Variants in HSDL2 observed in about 807,000 individuals in gnomAD.
The protein encoded by HSDL2 is hydroxysteroid dehydrogenase like 2, also known as hydroxysteroid dehydrogenase-like protein 2.
In HSDL2, 27 loss-of-function variants were observed where a neutral mutation model predicts 46.3. The ratio of observed to expected loss-of-function variants is 0.58; its 90% confidence interval spans 0.43 to 0.80. HSDL2 has a LOEUF of 0.80. Among genes scored for constraint, HSDL2 ranks in the 30% least tolerant of loss-of-function variants. The pLI, the probability that HSDL2 is intolerant of heterozygous loss-of-function variation, is 0.00. For synonymous variants in HSDL2, 153 were observed against 163.6 expected (o/e 0.94, Z 0.50); for missense variants, 451 against 502.7 (o/e 0.90, Z 0.98).
In HSDL2 at chr9:112,405,209, T is replaced by C. The variant is rs1232562647; in HGVS notation, c.182-415T>C. Among the ~76,000 whole-genome samples the C allele has an allele frequency of 2.0e-5, 3 of 152,056 alleles. No individual in the cohort carries two copies. The East Asian group carries it at 5.8e-4, about 29-fold the overall frequency. ...TCTACAAAAAATAGAAAAATTAGCC[T>C]GGCGTGGTGGTGCATGCCTATAGTC... On this transcript the variant is annotated intron_variant, in intron 2 of 10. Transcript: ENST00000398805.
Position 112,459,465 on chromosome 9 carries a change from G to A in HSDL2, c.1032G>A (p.Thr344=), listed in dbSNP as rs1167602720. The A allele has an allele frequency of 4.3e-6, 7 of 1,613,808 alleles. No individual in the cohort carries two copies. The highest frequency in any genetic ancestry group is 2.2e-5 in the South Asian group (2 of 91,082). The stretch of plus-strand genomic sequence containing the variant: ...TCTCTCTAGGTGAAGATGGTGGCAC[G>A]TGGTTTCTTGATCTGAAAAGCAAGG... ...LFELSGEDGG[T]WFLDLKSKGG... Residue 344 remains threonine, a synonymous_variant, in exon 10 of 11, where the codon ACG becomes ACA. Transcript: ENST00000398805.
At chr9:112,380,265 G>GC in intron 1 of HSDL2, 85 bp downstream of exon 1, 11 of 1,386,820 alleles carry the variant, frequency 7.9e-6, no homozygotes, top group Non-Finnish European at 1.1e-5. Context: ...GCCCGGGCTG[G>GC]CCGGCCCGGC....
chr9:112,458,844 G>T (rs899239328), intron 9 of HSDL2, among the ~76,000 whole-genome samples: 3 of 151,708 alleles, frequency 2.0e-5, no homozygotes, highest in Non-Finnish European at 2.9e-5. Context: ...AGCTGGGTGT[G>T]GTGGCGGGCA....
intron 6 of HSDL2, among the ~76,000 whole-genome samples, chr9:112,420,005 T>C (rs1205980189): frequency 6.6e-6 from 1 of 152,174 alleles, no homozygotes; most frequent in Non-Finnish European, 1.5e-5. Context: ...CATGTACTAG[T>C]GGGTAATGCC....
intron 1 of HSDL2, among the ~76,000 whole-genome samples, chr9:112,391,964 C>T (rs376812632): frequency 4.0e-5 from 6 of 151,748 alleles, no homozygotes; most frequent in Admixed American, 3.9e-4. Flanking sequence ...ATTGGGGGAA[C>T]CTGCCCCAAG....
intron 10 of HSDL2, among the ~76,000 whole-genome samples, chr9:112,468,026 A>G (rs1422803822): frequency 5.5e-5 from 5 of 91,500 alleles, no homozygotes; most frequent in Admixed American, 5.4e-4. Context: ...TGAAACTACT[A>G]TTATTCTACC....
intron 8 of HSDL2, among the ~76,000 whole-genome samples, chr9:112,443,721 C>A (rs147077953): frequency 3.2e-4 from 49 of 152,302 alleles, no homozygotes; most frequent in African/African-American, 1.1e-3. Flanking sequence ...CAGAGCAAGA[C>A]CCTGTCTCAA....
At chr9:112,438,817 GT>G (rs1832584273) in intron 7 of HSDL2, 192 bp downstream of exon 7, 1 of 426,384 alleles carries the variant, frequency 2.3e-6, no homozygotes, top group East Asian at 4.1e-5. Context: ...ATAGAGGTGA[GT>G]TGAGGGCTTT....
intron 10 of HSDL2, among the ~76,000 whole-genome samples, chr9:112,465,247 G>T (rs566731088): frequency 1.3e-5 from 2 of 152,258 alleles, no homozygotes; most frequent in South Asian, 4.1e-4. Flanking sequence ...TCTTGCCTCA[G>T]TCTCCTGGGT....
At position 112,452,834 on chromosome 9, in the gene HSDL2, G is replaced by T. The variant is rs115607663; in HGVS notation, c.866-1179G>T. Among the ~76,000 whole-genome samples the T allele has an allele frequency of 5.3e-3, 806 of 152,320 alleles. 12 individuals are homozygous for T. The highest frequency in any genetic ancestry group is 0.018 in the African/African-American group (763 of 41,564). ...CTATGAACTGCTGTCTTCTCCCCTGGCTGATCATATGTTAAGTTGTTATAG... is the reference window on the plus strand; with the variant it reads ...CTATGAACTGCTGTCTTCTCCCCTGTCTGATCATATGTTAAGTTGTTATAG... On this transcript the variant is annotated intron_variant, in intron 8 of 10. Transcript: ENST00000398805.
intron 4 of HSDL2, among the ~76,000 whole-genome samples, chr9:112,414,692 T>C (rs1348428920): frequency 6.6e-6 from 1 of 152,206 alleles, no homozygotes; most frequent in East Asian, 1.9e-4. Context: ...TTGTTTCTTC[T>C]TGATGCTTCG....
Position 112,405,773 on chromosome 9 carries a change from T to C in HSDL2, c.280+51T>C, listed in dbSNP as rs773606695. On this transcript the variant is annotated intron_variant, in intron 3 of 10. Coordinates refer to ENST00000398805, the MANE Select transcript of HSDL2 (RefSeq NM_032303.5). ...ATTGGATATTGGTAAAATAAAGGTA[T>C]AACTATAATGTTAATTTAAAAATTT... 3.6e-6 allele frequency: 4 copies of C among 1,116,326 alleles called. No homozygotes were observed. In the South Asian group the frequency reaches 5.3e-5, roughly 15 times the overall value. The allele number at this position is 1,116,326 out of a possible 1,614,324, so 69.2% of individuals were successfully genotyped here. A position where few individuals can be genotyped will look rare whatever the true frequency, so the allele number is the denominator to read the frequency against.
At chr9:112,384,409 A>G (rs898354499) in intron 1 of HSDL2, among the ~76,000 whole-genome samples, 2 of 152,214 alleles carry the variant, frequency 1.3e-5, no homozygotes. Context: ...TGCCAATGCC[A>G]GAGACTCTGA....
At chr9:112,437,028 C>T (rs1014598992) in intron 6 of HSDL2, among the ~76,000 whole-genome samples, 1 of 135,434 alleles carries the variant, frequency 7.4e-6, no homozygotes, top group East Asian at 2.2e-4. Context: ...GGAGTAATCT[C>T]AGCTCATTGC....
At chr9:112,382,459 T>G (rs1831120273) in intron 1 of HSDL2, among the ~76,000 whole-genome samples, 1 of 152,244 alleles carries the variant, frequency 6.6e-6, no homozygotes, top group South Asian at 2.1e-4. Context: ...GCATTTATTT[T>G]ATCACAAGTG....
chr9:112,471,565 T>G lies in HSDL2; in HGVS notation c.*1021T>G, dbSNP rs1833575096. 1 of 152,248 alleles carries G rather than the reference T, an allele frequency of 6.6e-6. No individual in the cohort carries two copies. The highest frequency in any genetic ancestry group is 2.4e-5 in the African/African-American group (1 of 41,448). 9.4% of individuals were successfully genotyped at this position (152,248 alleles called of 1,614,324 possible). On this transcript the variant is annotated 3_prime_UTR_variant, in exon 11 of 11. Coordinates refer to ENST00000398805, the MANE Select transcript of HSDL2 (RefSeq NM_032303.5). The stretch of plus-strand genomic sequence containing the variant: ...TCCAGAATAGTGAGAAATAAATTTC[T>G]GTTGTTAAGCCGTCCACTGTGGGAG...
In HSDL2 at chr9:112,459,597, A is replaced by C; in HGVS notation, c.1144+20A>C. ...TTTCAGGTGAGTTTTCCAGTTTATT[A>C]GTTTACCTTATTGTTCAGAGAAAAT... is the stretch of plus-strand genomic sequence containing the variant. On this transcript the variant is annotated intron_variant, in intron 10 of 10. Coordinates refer to ENST00000398805, the MANE Select transcript of HSDL2 (RefSeq NM_032303.5). 6.2e-7 allele frequency: 1 copy of C among 1,605,964 alleles called. No homozygotes were observed. Among genetic ancestry groups the C allele is most frequent in the Non-Finnish European group, 8.5e-7 (1 of 1,173,388 alleles).
intron 9 of HSDL2, among the ~76,000 whole-genome samples, chr9:112,456,671 C>G (rs1833036575): frequency 6.6e-6 from 1 of 152,168 alleles, no homozygotes; most frequent in African/African-American, 2.4e-5. Context: ...TTATGTGTCC[C>G]TGTTTCTAGC....
intron 10 of HSDL2, among the ~76,000 whole-genome samples, chr9:112,464,899 C>A (rs1318106446): frequency 6.6e-6 from 1 of 152,098 alleles, no homozygotes; most frequent in Non-Finnish European, 1.5e-5. Flanking sequence ...AATGTAATAT[C>A]CCTCAATATC....
Sources: allele counts gnomAD v4.1 joint callset (sites outside exome capture counted in the v4.1 genomes callset), GRCh38; gene constraint gnomAD v4.1.1; transcripts MANE v1.5; gene names NCBI Gene and HGNC (gene_info 2026-07-23, HGNC 2026-07-21).